The following SLC16A9 variants were observed in gnomAD, a reference collection of about 807,000 sequenced individuals.
SLC16A9 encodes monocarboxylate transporter 9.
A neutral mutation model predicts 44.3 loss-of-function variants in SLC16A9; 26 were observed. That is an observed-to-expected ratio of 0.59 (90% CI 0.43 to 0.81). The LOEUF (loss-of-function observed/expected upper bound fraction) is 0.81. SLC16A9 is among the 40% of genes least tolerant of loss of function. The pLI, the probability that SLC16A9 is intolerant of heterozygous loss-of-function variation, is 0.00. For missense variants in SLC16A9, 559 were observed against 595.8 expected, an observed-to-expected ratio of 0.94 and a Z score of 0.64; for synonymous variants, 230 against 225.1, an observed-to-expected ratio of 1.02 and a Z score of -0.19.
chr10:59,701,271 A>C (rs1840517128), intron 1 of SLC16A9, among the ~76,000 whole-genome samples: 1 of 152,192 alleles, frequency 6.6e-6, no homozygotes, highest in Non-Finnish European at 1.5e-5. Flanking sequence ...CTTTTCTGCG[A>C]ATGCCTGGAC....
At chr10:59,691,835 G>C (rs757504186) in intron 1 of SLC16A9, among the ~76,000 whole-genome samples, 1 of 152,190 alleles carries the variant, frequency 6.6e-6, no homozygotes, top group African/African-American at 2.4e-5. Flanking sequence ...GATATAGGCT[G>C]TCAGAACTGC....
intron 4 of SLC16A9, among the ~76,000 whole-genome samples, chr10:59,659,366 G>T (rs147181581): frequency 6.6e-6 from 1 of 151,924 alleles, no homozygotes; most frequent in African/African-American, 2.4e-5. Context: ...GTTAATTTTC[G>T]TTCCTTTTCT....
rs1251618143 is a variant in SLC16A9 at position 59,652,687 on chromosome 10, ACT to A, written c.*83_*84del. On this transcript the variant is annotated 3_prime_UTR_variant, in exon 6 of 6. Transcript: ENST00000395348. ...ATTTTGCTATGAGAAAATAGTCTTG[ACT>A]CTAGAAAATTTGCTTGAGAATCTGT... 8 of 1,275,632 alleles carry A rather than the reference ACT, an allele frequency of 6.3e-6. No individual in the cohort carries two copies. In the African/African-American group the frequency reaches 7.6e-5, roughly 12 times the overall value. 79.0% of individuals were successfully genotyped at this position (1,275,632 alleles called of 1,614,324 possible). A position where few individuals can be genotyped will look rare whatever the true frequency, so the allele number is the denominator to read the frequency against.
intron 2 of SLC16A9, among the ~76,000 whole-genome samples, chr10:59,674,088 G>T (rs1218529394): frequency 1.3e-5 from 2 of 152,106 alleles, no homozygotes; most frequent in Admixed American, 1.3e-4. Flanking sequence ...TCTTGTTCTT[G>T]GCATGAATGT....
intron 4 of SLC16A9, among the ~76,000 whole-genome samples, chr10:59,658,952 C>T (rs1159443184): frequency 6.6e-6 from 1 of 152,110 alleles, no homozygotes; most frequent in African/African-American, 2.4e-5. Context: ...TATCTAAAAG[C>T]CTGACCTTCC....
chr10:59,664,079 TA>T (rs1348316372), intron 4 of SLC16A9, 147 bp downstream of exon 4: 2 of 323,298 alleles, frequency 6.2e-6, no homozygotes, highest in Non-Finnish European at 1.1e-5. Flanking sequence ...TGGTGTAAAA[TA>T]AACTTTCCTT....
intron 1 of SLC16A9, among the ~76,000 whole-genome samples, chr10:59,695,667 T>C (rs1840355465): frequency 6.6e-6 from 1 of 152,194 alleles, no homozygotes. Flanking sequence ...CAGGAAATTA[T>C]GTATTGCTTA....
intron 4 of SLC16A9, among the ~76,000 whole-genome samples, chr10:59,658,553 C>T (rs188499133): frequency 6.6e-5 from 10 of 151,932 alleles, no homozygotes; most frequent in Admixed American, 3.3e-4. Context: ...GCTTCTAACT[C>T]GATGTCATAC....
chr10:59,689,740 G>A (rs1840212379), intron 1 of SLC16A9, among the ~76,000 whole-genome samples: 2 of 152,276 alleles, frequency 1.3e-5, no homozygotes, highest in East Asian at 3.9e-4. Flanking sequence ...TTGTGAGTAT[G>A]CAGTAATTTC....
intron 1 of SLC16A9, among the ~76,000 whole-genome samples, chr10:59,689,941 T>C (rs1245940669): frequency 6.6e-6 from 1 of 152,226 alleles, no homozygotes; most frequent in Non-Finnish European, 1.5e-5. Context: ...TATTTGGCAC[T>C]CTTTTTCATA....
At chr10:59,705,439 C>A (rs765144312) in intron 1 of SLC16A9, among the ~76,000 whole-genome samples, 1 of 152,078 alleles carries the variant, frequency 6.6e-6, no homozygotes, top group Non-Finnish European at 1.5e-5. Context: ...TGTAAAAATT[C>A]TCAGTCTAAG....
chr10:59,663,236 C>T (rs1262288114), intron 4 of SLC16A9, among the ~76,000 whole-genome samples: 1 of 152,010 alleles, frequency 6.6e-6, no homozygotes, highest in African/African-American at 2.4e-5. Flanking sequence ...TGGCACATGC[C>T]TATAATTCCA....
chr10:59,656,881 T>C (rs1839360942), intron 4 of SLC16A9, among the ~76,000 whole-genome samples: 1 of 152,198 alleles, frequency 6.6e-6, no homozygotes, highest in Admixed American at 6.5e-5. Flanking sequence ...CTAATTATGC[T>C]TCCATGCATG....
intron 3 of SLC16A9, among the ~76,000 whole-genome samples, chr10:59,666,871 C>CAAAAA (rs34639816): frequency 8.7e-6 from 1 of 114,930 alleles, no homozygotes; most frequent in African/African-American, 3.2e-5. Flanking sequence ...TATTTTCCAG[C>CAAAAA]AAAAAAAAAA....
Position 59,651,114 on chromosome 10 carries a change from T to C in SLC16A9, c.*1658A>G, listed in dbSNP as rs973249862. On this transcript the variant is annotated 3_prime_UTR_variant, in exon 6 of 6. Transcript: ENST00000395348. ...TCCAAGACAACTTGGAGCTCCATTATTGCATTATTAAGTAGAATGAACTGT... is the reference window on the plus strand; with the variant it reads ...TCCAAGACAACTTGGAGCTCCATTACTGCATTATTAAGTAGAATGAACTGT... 2 of 152,102 alleles carry C rather than the reference T, an allele frequency of 1.3e-5. No homozygotes were observed. The highest frequency in any genetic ancestry group is 2.9e-5 in the Non-Finnish European group (2 of 68,012). 9.4% of individuals were successfully genotyped at this position (152,102 alleles called of 1,614,324 possible).
intron 1 of SLC16A9, among the ~76,000 whole-genome samples, chr10:59,703,944 A>G (rs1472040090): frequency 6.6e-6 from 1 of 151,916 alleles, no homozygotes; most frequent in African/African-American, 2.4e-5. Flanking sequence ...GGATGGTCTC[A>G]ATATCCTGAC....
chr10:59,682,892 T>A (rs558934069), intron 2 of SLC16A9, among the ~76,000 whole-genome samples: 33 of 152,242 alleles, frequency 2.2e-4, no homozygotes, highest in Admixed American at 5.9e-4. Context: ...TTTTTTTTGT[T>A]TACTTATATT....
At chr10:59,702,667 G>T in intron 1 of SLC16A9, among the ~76,000 whole-genome samples, 1 of 152,188 alleles carries the variant, frequency 6.6e-6, no homozygotes, top group Admixed American at 6.5e-5. Context: ...ATCCCAGCCA[G>T]TCAAATCCAA....
intron 3 of SLC16A9, among the ~76,000 whole-genome samples, chr10:59,667,611 T>G (rs75881326): frequency 6.6e-6 from 1 of 152,184 alleles, no homozygotes; most frequent in Non-Finnish European, 1.5e-5. Context: ...AATCTAAGTA[T>G]AATCCTCATA....
Sources: gnomAD v4.1 joint callset for allele counts (sites outside exome capture counted in the v4.1 genomes callset) on GRCh38, gnomAD v4.1.1 for gene constraint, MANE v1.5 for transcripts, NCBI Gene and HGNC (gene_info 2026-07-23, HGNC 2026-07-21) for gene names.